The following PHACTR3 variants were observed in gnomAD, a reference collection of about 807,000 sequenced individuals.
PHACTR3 encodes phosphatase and actin regulator 3.
Under a neutral mutation model 66.8 loss-of-function variants are expected in PHACTR3, and 16 were observed. The ratio of observed to expected loss-of-function variants is 0.24; its 90% CI spans 0.16 to 0.36. The LOEUF is 0.36. Among genes scored for constraint, PHACTR3 ranks in the 10% least tolerant of loss-of-function variants. The probability of loss-of-function intolerance (pLI) is 1.00; values close to 1 mark genes in which losing one functional copy is unlikely to be tolerated. For missense variants in PHACTR3, 647 were observed against 719.9 expected (o/e 0.90, Z 1.16); for synonymous variants, 323 against 292.1 (o/e 1.11, Z -1.08).
At chr20:59,681,537 C>T (rs1216694267) in intron 1 of PHACTR3, among the ~76,000 whole-genome samples, 2 of 152,142 alleles carry the variant, frequency 1.3e-5, no homozygotes, top group African/African-American at 4.8e-5. Flanking sequence ...GTAGATGACA[C>T]AAATCAATAA....
intron 8 of PHACTR3, among the ~76,000 whole-genome samples, chr20:59,823,375 C>T (rs1001608182): frequency 6.6e-6 from 1 of 152,108 alleles, no homozygotes; most frequent in Admixed American, 6.5e-5. Flanking sequence ...ATCCTTCGCT[C>T]GGCATCAGTC....
At position 59,753,653 on chromosome 20, in the gene PHACTR3, G is replaced by A. The variant is rs150368759; in HGVS notation, c.359-1529G>A. Among the ~76,000 whole-genome samples, 1,085 of 152,278 alleles carry A rather than the reference G, an allele frequency of 7.1e-3. 17 individuals carry two copies. Among genetic ancestry groups the A allele is most frequent in the African/African-American group, 0.025 (1,024 of 41,552 alleles). On this transcript the variant is annotated intron_variant, in intron 3 of 12. Transcript: ENST00000371015. ...CAGACACATTCCATACCCTAGCTCC[G>A]TTAATTCTCACTATGTTGCCATGAA...
intron 1 of PHACTR3, among the ~76,000 whole-genome samples, chr20:59,589,222 C>T (rs1469219195): frequency 1.3e-5 from 2 of 152,226 alleles, no homozygotes; most frequent in African/African-American, 4.8e-5. Flanking sequence ...TTGGAAGACC[C>T]TTGCACTATT....
chr20:59,840,833 C>T (rs6015589), intron 10 of PHACTR3, among the ~76,000 whole-genome samples: 6 of 152,316 alleles, frequency 3.9e-5, no homozygotes, highest in African/African-American at 1.4e-4. Context: ...TCCTCAGTTG[C>T]AGAAAGCTTT....
intron 1 of PHACTR3, among the ~76,000 whole-genome samples, chr20:59,652,916 G>C (rs2035502150): frequency 6.6e-6 from 1 of 152,154 alleles, no homozygotes; most frequent in African/African-American, 2.4e-5. Context: ...ATTTTCATGT[G>C]TGTGTGTACT....
At chr20:59,822,364 T>TG (rs946056516) in intron 8 of PHACTR3, among the ~76,000 whole-genome samples, 12 of 141,754 alleles carry the variant, frequency 8.5e-5, no homozygotes, top group African/African-American at 3.2e-4. Flanking sequence ...GGGCCTAGGA[T>TG]GGGGGGAAGA....
At chr20:59,708,426 G>A (rs2037794541) in intron 1 of PHACTR3, among the ~76,000 whole-genome samples, 2 of 152,160 alleles carry the variant, frequency 1.3e-5, no homozygotes, top group African/African-American at 4.8e-5. Flanking sequence ...GGAGAACCGT[G>A]CCCTGGCTGG....
In PHACTR3 at chr20:59,733,230, C is replaced by T. The variant is rs2038833278; in HGVS notation, c.119-9877C>T. 3.3e-5 allele frequency among the ~76,000 whole-genome samples: 5 copies of T among 152,244 alleles called. No individual in the cohort carries two copies. In the South Asian group the frequency reaches 8.3e-4, roughly 25 times the overall value. On this transcript the variant is annotated intron_variant, in intron 1 of 12. Coordinates refer to ENST00000371015, the MANE Select transcript of PHACTR3 (RefSeq NM_080672.5). Reference sequence around the variant, plus strand: ...CTTGTTTTGTTTTTATTGATCAGCACACCCAAAATATCATGCTCTTCAGTC... The same window carrying T: ...CTTGTTTTGTTTTTATTGATCAGCATACCCAAAATATCATGCTCTTCAGTC...
chr20:59,802,727 C>G (rs2041452086), intron 7 of PHACTR3, among the ~76,000 whole-genome samples: 1 of 152,234 alleles, frequency 6.6e-6, no homozygotes, highest in Non-Finnish European at 1.5e-5. Context: ...TTTGCCCATC[C>G]TTCCTCCTAA....
intron 7 of PHACTR3, among the ~76,000 whole-genome samples, chr20:59,781,040 A>T (rs2040706841): frequency 6.6e-6 from 1 of 152,244 alleles, no homozygotes; most frequent in Admixed American, 6.5e-5. Context: ...CCTCACAGGC[A>T]TGAAGCAAAG....
At chr20:59,597,611 A>G (rs1355712168) in intron 1 of PHACTR3, among the ~76,000 whole-genome samples, 1 of 152,242 alleles carries the variant, frequency 6.6e-6, no homozygotes, top group African/African-American at 2.4e-5. Context: ...CATGGCAATC[A>G]TTGTAAAGTT....
chr20:59,626,810 G>C (rs900696139), intron 1 of PHACTR3: 1 of 152,274 alleles, frequency 6.6e-6, no homozygotes, highest in Admixed American at 6.5e-5. Flanking sequence ...GTTCACAGCA[G>C]ATGTTCTTTG....
chr20:59,791,871 G>A (rs1323726151), intron 7 of PHACTR3, among the ~76,000 whole-genome samples: 1 of 151,960 alleles, frequency 6.6e-6, no homozygotes, highest in Non-Finnish European at 1.5e-5. Flanking sequence ...TTGCTCAAAG[G>A]AGCCCCAGTG....
intron 1 of PHACTR3, among the ~76,000 whole-genome samples, chr20:59,696,787 G>T (rs988027065): frequency 3.9e-5 from 6 of 152,148 alleles, no homozygotes; most frequent in African/African-American, 1.4e-4. Context: ...ACCCTGGGTG[G>T]CAGGGCCTCG....
At chr20:59,842,596 TA>T (rs1284003856) in intron 11 of PHACTR3, among the ~76,000 whole-genome samples, 1 of 152,190 alleles carries the variant, frequency 6.6e-6, no homozygotes, top group African/African-American at 2.4e-5. Flanking sequence ...CTCGAGTGTT[TA>T]TCTGAGAAAG....
chr20:59,626,614 T>G (rs994628417), intron 1 of PHACTR3: 7 of 152,348 alleles, frequency 4.6e-5, no homozygotes, highest in Non-Finnish European at 7.3e-5. Flanking sequence ...GGCAAGTTTT[T>G]GATGCCCACA....
At chr20:59,589,493 A>T (rs1208924327) in intron 1 of PHACTR3, among the ~76,000 whole-genome samples, 1 of 152,158 alleles carries the variant, frequency 6.6e-6, no homozygotes, top group Non-Finnish European at 1.5e-5. Flanking sequence ...CACTACCTAT[A>T]AGCCTAGTGC....
chr20:59,776,874 T>C (rs1158832519), intron 7 of PHACTR3, among the ~76,000 whole-genome samples: 1 of 149,884 alleles, frequency 6.7e-6, no homozygotes, highest in Non-Finnish European at 1.5e-5. Flanking sequence ...CCTTCTCTGA[T>C]TGAGTGCTCT....
upstream of PHACTR3, among the ~76,000 whole-genome samples, chr20:59,602,092 A>G (rs1411867597): frequency 1.3e-5 from 2 of 152,198 alleles, no homozygotes; most frequent in Non-Finnish European, 2.9e-5. Flanking sequence ...AACATTAAGG[A>G]GGATGTCTCT....
Sources: allele counts gnomAD v4.1 joint callset (sites outside exome capture counted in the v4.1 genomes callset), GRCh38; gene constraint gnomAD v4.1.1; transcripts MANE v1.5; gene names NCBI Gene and HGNC (gene_info 2026-07-23, HGNC 2026-07-21).